KCNQ3: variants seen among roughly 807,000 people sequenced by gnomAD.
The protein encoded by KCNQ3 is potassium voltage-gated channel subfamily KQT member 3.
Under a neutral mutation model 92.5 loss-of-function variants are expected in KCNQ3, and 30 were observed. That is an observed-to-expected ratio of 0.32 (90% CI 0.24 to 0.44). The LOEUF (loss-of-function observed/expected upper bound fraction) is 0.44. KCNQ3 is among the 20% of genes least tolerant of loss of function. The pLI, the probability that KCNQ3 is intolerant of heterozygous loss-of-function variation, is 1.00. For missense variants in KCNQ3, 913 were observed against 1,140.3 expected (o/e 0.80, Z 2.87); for synonymous variants, 450 against 468.8 (o/e 0.96, Z 0.52).
chr8:132,436,295 C>A (rs1046299654), intron 1 of KCNQ3, among the ~76,000 whole-genome samples: 7 of 152,168 alleles, frequency 4.6e-5, no homozygotes, highest in African/African-American at 1.2e-4. Flanking sequence ...ACATATATAA[C>A]CTGTTATATC....
chr8:132,147,827 A>C (rs1224915944), intron 9 of KCNQ3, among the ~76,000 whole-genome samples: 1 of 152,190 alleles, frequency 6.6e-6, no homozygotes, highest in African/African-American at 2.4e-5. Flanking sequence ...AGAACAGCCA[A>C]TCCCATTTAT....
intron 2 of KCNQ3, among the ~76,000 whole-genome samples, chr8:132,185,061 C>T (rs963872030): frequency 2.0e-5 from 3 of 152,156 alleles, no homozygotes; most frequent in Admixed American, 6.5e-5. Context: ...CTTTTGTGAC[C>T]TCCCTGGGTG....
chr8:132,244,920 C>A (rs1453332596), intron 1 of KCNQ3, among the ~76,000 whole-genome samples: 140 of 112,170 alleles, frequency 1.2e-3, no homozygotes, highest in African/African-American at 2.3e-3. Flanking sequence ...CTCACTTGAC[C>A]AAAAAAAAAA....
intron 1 of KCNQ3, among the ~76,000 whole-genome samples, chr8:132,319,399 G>A (rs1817837422): frequency 6.6e-6 from 1 of 152,122 alleles, no homozygotes; most frequent in Non-Finnish European, 1.5e-5. Context: ...CTGAAGGCAA[G>A]GTCTGTGGGC....
intron 1 of KCNQ3, among the ~76,000 whole-genome samples, chr8:132,354,607 C>T (rs12682536): frequency 0.072 from 11,015 of 152,252 alleles, 447 homozygotes; most frequent in South Asian, 0.15. Context: ...GGACACTTCC[C>T]ACCTGCTTCT....
chr8:132,354,702 C>T (rs951246050), intron 1 of KCNQ3, among the ~76,000 whole-genome samples: 8 of 152,218 alleles, frequency 5.3e-5, no homozygotes, highest in African/African-American at 1.7e-4. Flanking sequence ...TCCTACCTTC[C>T]GTGAGATGAC....
intron 1 of KCNQ3, among the ~76,000 whole-genome samples, chr8:132,456,150 T>G (rs1821933905): frequency 6.6e-6 from 1 of 152,104 alleles, no homozygotes; most frequent in African/African-American, 2.4e-5. Flanking sequence ...CTCCCCATAG[T>G]CTGGCTAAAA....
chr8:132,256,808 A>G (rs1410236521), intron 1 of KCNQ3, among the ~76,000 whole-genome samples: 2 of 152,188 alleles, frequency 1.3e-5, no homozygotes, highest in African/African-American at 4.8e-5. Context: ...TAAAAACAAA[A>G]CAAACAAACA....
intron 9 of KCNQ3, among the ~76,000 whole-genome samples, chr8:132,151,611 TA>T (rs1466931539): frequency 3.3e-5 from 5 of 152,328 alleles, no homozygotes; most frequent in Admixed American, 2.0e-4. Flanking sequence ...TAAAGGGTTA[TA>T]AAAGGTTTTT....
chr8:132,163,334 T>C (rs1826047273), intron 9 of KCNQ3, 134 bp downstream of exon 9: 1 of 786,384 alleles, frequency 1.3e-6, no homozygotes, highest in Admixed American at 1.8e-5. Context: ...ACTATGGTGG[T>C]CAGCAACAGT....
intron 1 of KCNQ3, among the ~76,000 whole-genome samples, chr8:132,248,887 T>C (rs1214319646): frequency 6.6e-6 from 1 of 152,210 alleles, no homozygotes; most frequent in East Asian, 1.9e-4. Context: ...TAGGCCATAA[T>C]CCCGGGTGTG....
At chr8:132,285,040 C>G (rs1479718565) in intron 1 of KCNQ3, among the ~76,000 whole-genome samples, 3 of 152,190 alleles carry the variant, frequency 2.0e-5, no homozygotes, top group African/African-American at 7.2e-5. Flanking sequence ...AACCTCGTTT[C>G]TGTATAAATT....
At chr8:132,335,688 C>A (rs991383903) in intron 1 of KCNQ3, among the ~76,000 whole-genome samples, 1 of 152,172 alleles carries the variant, frequency 6.6e-6, no homozygotes, top group Non-Finnish European at 1.5e-5. Flanking sequence ...TCAGAGAAAC[C>A]ATTCAAGAGT....
At chr8:132,183,710 C>T (rs1222304843) in intron 3 of KCNQ3, among the ~76,000 whole-genome samples, 2 of 152,236 alleles carry the variant, frequency 1.3e-5, no homozygotes, top group African/African-American at 2.4e-5. Context: ...AGCAAGACCA[C>T]ACCTGGGTGT....
At chr8:132,203,220 G>A (rs1349260475) in intron 1 of KCNQ3, among the ~76,000 whole-genome samples, 1 of 152,150 alleles carries the variant, frequency 6.6e-6, no homozygotes, top group Admixed American at 6.5e-5. Flanking sequence ...TCTCAACACT[G>A]TTGCATCGGG....
intron 1 of KCNQ3, among the ~76,000 whole-genome samples, chr8:132,331,855 T>G (rs1372583454): frequency 2.6e-5 from 4 of 152,230 alleles, no homozygotes; most frequent in African/African-American, 9.6e-5. Context: ...GAAGAGTGAC[T>G]GGAGAACTCC....
intron 1 of KCNQ3, among the ~76,000 whole-genome samples, chr8:132,311,727 G>A (rs1372887640): frequency 6.6e-6 from 1 of 152,168 alleles, no homozygotes; most frequent in African/African-American, 2.4e-5. Flanking sequence ...GAACTGAACT[G>A]AGGAAAAAAA....
chr8:132,235,301 G>A (rs570347618), intron 1 of KCNQ3, among the ~76,000 whole-genome samples: 3 of 152,220 alleles, frequency 2.0e-5, no homozygotes, highest in East Asian at 1.9e-4. Context: ...TCAGGAGTTC[G>A]AGACCAGCCT....
At chr8:132,441,038 A>G (rs564110246) in intron 1 of KCNQ3, among the ~76,000 whole-genome samples, 141 of 152,252 alleles carry the variant, frequency 9.3e-4, no homozygotes, top group African/African-American at 3.3e-3. Context: ...GATTAGTTCT[A>G]TTTTACAGAC....
Sources: allele counts gnomAD v4.1 joint callset (sites outside exome capture counted in the v4.1 genomes callset), GRCh38; gene constraint gnomAD v4.1.1; transcripts MANE v1.5; gene names NCBI Gene and HGNC (gene_info 2026-07-23, HGNC 2026-07-21).